CDH13: variants seen among roughly 807,000 people sequenced by gnomAD.
The protein encoded by CDH13 is cadherin 13, also known as cadherin-13.
A neutral mutation model predicts 63.8 loss-of-function variants in CDH13; 24 were observed. The ratio of observed to expected loss-of-function variants is 0.38; its 90% CI spans 0.27 to 0.53. CDH13 has a LOEUF of 0.53. CDH13 is among the 20% of genes least tolerant of loss of function. The probability of loss-of-function intolerance (pLI) is 0.85; values close to 1 mark genes in which losing one functional copy is unlikely to be tolerated. For synonymous variants in CDH13, 503 were observed against 355.3 expected (o/e 1.42, Z -4.67); for missense variants, 1,049 against 903.1 (o/e 1.16, Z -2.07).
intron 6 of CDH13, among the ~76,000 whole-genome samples, chr16:83,471,114 T>C (rs908220274): frequency 6.6e-6 from 1 of 152,144 alleles, no homozygotes; most frequent in Admixed American, 6.5e-5. Flanking sequence ...ACAAGGACCT[T>C]GTTGGGCCCA....
intron 2 of CDH13, among the ~76,000 whole-genome samples, chr16:82,940,886 GA>G (rs1218431804): frequency 6.6e-6 from 1 of 152,128 alleles, no homozygotes; most frequent in Admixed American, 6.6e-5. Flanking sequence ...CATTTATTCA[GA>G]TAAAAGCCTC....
intron 1 of CDH13, among the ~76,000 whole-genome samples, chr16:82,664,983 A>T (rs938520631): frequency 6.6e-6 from 1 of 152,142 alleles, no homozygotes; most frequent in Non-Finnish European, 1.5e-5. Context: ...TACTCAGTAA[A>T]ATGTATCTGT....
At chr16:83,423,404 T>G (rs1343763591) in intron 6 of CDH13, among the ~76,000 whole-genome samples, 1 of 152,112 alleles carries the variant, frequency 6.6e-6, no homozygotes, top group Admixed American at 6.5e-5. Flanking sequence ...CATTGTGTGA[T>G]CTGTCTTCTT....
intron 3 of CDH13, among the ~76,000 whole-genome samples, chr16:83,057,962 G>T (rs2031119040): frequency 6.6e-6 from 1 of 152,026 alleles, no homozygotes; most frequent in Admixed American, 6.5e-5. Context: ...TCTTACAAAT[G>T]ATATTTTTTA....
intron 4 of CDH13, among the ~76,000 whole-genome samples, chr16:83,165,281 G>C (rs1368477805): frequency 1.3e-5 from 2 of 152,008 alleles, no homozygotes; most frequent in African/African-American, 2.4e-5. Flanking sequence ...AAAGGATTCT[G>C]TTGGCAAAAA....
chr16:83,198,489 T>C (rs536509930), intron 4 of CDH13, among the ~76,000 whole-genome samples: 1 of 151,224 alleles, frequency 6.6e-6, no homozygotes, highest in Admixed American at 6.6e-5. Context: ...GGATGTCTTG[T>C]TGTGCTTTCT....
At chr16:83,073,607 A>G (rs373196820) in intron 3 of CDH13, among the ~76,000 whole-genome samples, 3 of 152,078 alleles carry the variant, frequency 2.0e-5, no homozygotes, top group South Asian at 2.1e-4. Flanking sequence ...TGAATCCCCT[A>G]TTGCAGATTT....
chr16:83,456,066 T>C (rs183188555), intron 6 of CDH13, among the ~76,000 whole-genome samples: 1 of 152,356 alleles, frequency 6.6e-6, no homozygotes, highest in East Asian at 1.9e-4. Context: ...TGCGTTCCAA[T>C]ATCCAGCCCT....
chr16:82,680,384 T>G (rs901765271), intron 1 of CDH13, among the ~76,000 whole-genome samples: 27 of 152,282 alleles, frequency 1.8e-4, no homozygotes, highest in African/African-American at 6.5e-4. Context: ...GTTAGGTAGT[T>G]TGGCCCTCAT....
chr16:82,697,422 TC>T (rs67968380), intron 1 of CDH13, among the ~76,000 whole-genome samples: 10,609 of 75,326 alleles, frequency 0.14, 1,512 homozygotes, highest in Non-Finnish European at 0.19. Context: ...ATTTCTTTTT[TC>T]TTTTTTTTTT....
intron 6 of CDH13, among the ~76,000 whole-genome samples, chr16:83,387,956 T>C (rs567955632): frequency 6.6e-6 from 1 of 152,324 alleles, no homozygotes; most frequent in African/African-American, 2.4e-5. Flanking sequence ...TTTTACTTTC[T>C]CTGTTGGCAA....
At chr16:82,996,154 C>G (rs879419897) in intron 2 of CDH13, among the ~76,000 whole-genome samples, 1 of 151,740 alleles carries the variant, frequency 6.6e-6, no homozygotes, top group Non-Finnish European at 1.5e-5. Flanking sequence ...GAAAAAAAGG[C>G]AATTAGTTAT....
intron 4 of CDH13, among the ~76,000 whole-genome samples, chr16:83,138,388 G>A (rs2036390105): frequency 6.6e-6 from 1 of 152,028 alleles, no homozygotes; most frequent in African/African-American, 2.4e-5. Flanking sequence ...TGGAAAAATC[G>A]AGAAGGCAGA....
At chr16:83,255,299 C>CG (rs1253379920) in intron 5 of CDH13, among the ~76,000 whole-genome samples, 2 of 152,138 alleles carry the variant, frequency 1.3e-5, no homozygotes, top group African/African-American at 4.8e-5. Flanking sequence ...CCCAAACTGC[C>CG]GGGCCTCCTG....
chr16:83,218,549 T>A (rs962607871), intron 5 of CDH13, among the ~76,000 whole-genome samples: 1 of 152,146 alleles, frequency 6.6e-6, no homozygotes, highest in Non-Finnish European at 1.5e-5. Context: ...TAACCAGAGG[T>A]GACCTGGCAG....
intron 7 of CDH13, among the ~76,000 whole-genome samples, chr16:83,575,091 C>G (rs770571356): frequency 6.6e-6 from 1 of 152,124 alleles, no homozygotes; most frequent in African/African-American, 2.4e-5. Flanking sequence ...TGTGAGATGA[C>G]GTATTTTTGT....
chr16:83,616,507 G>A (rs546411607), intron 8 of CDH13, among the ~76,000 whole-genome samples: 34 of 151,880 alleles, frequency 2.2e-4, no homozygotes, highest in African/African-American at 7.2e-4. Flanking sequence ...TCTTACCACC[G>A]AGCCACTCCA....
At chr16:83,757,533 G>T (rs541467018) in intron 11 of CDH13, among the ~76,000 whole-genome samples, 4 of 152,046 alleles carry the variant, frequency 2.6e-5, no homozygotes, top group Non-Finnish European at 5.9e-5. Context: ...AACCAAGATC[G>T]CACCACTGCA....
chr16:83,733,871 G>A, intron 10 of CDH13, among the ~76,000 whole-genome samples: 1 of 152,198 alleles, frequency 6.6e-6, no homozygotes, highest in South Asian at 2.1e-4. Flanking sequence ...GACAAAAGTG[G>A]AACGTGACCT....
Sources: allele counts gnomAD v4.1 joint callset (sites outside exome capture counted in the v4.1 genomes callset), GRCh38; gene constraint gnomAD v4.1.1; transcripts MANE v1.5; gene names NCBI Gene and HGNC (gene_info 2026-07-23, HGNC 2026-07-21).